The following PRKN variants were observed in gnomAD, a reference collection of about 807,000 sequenced individuals.
The protein encoded by PRKN is E3 ubiquitin-protein ligase parkin.
In PRKN, 56 loss-of-function variants were observed where a neutral mutation model predicts 59.5. The ratio of observed to expected loss-of-function variants is 0.94; its 90% confidence interval spans 0.76 to 1.18. The LOEUF (loss-of-function observed/expected upper bound fraction) is 1.18, where lower values mean the gene tolerates loss of function less well. Ranked by LOEUF, PRKN falls within the 50% of genes most tolerant of loss-of-function variation. PRKN has a pLI of 0.00. For missense variants in PRKN, 657 were observed against 596.4 expected (o/e 1.10, Z -1.06); for synonymous variants, 250 against 222.1 (o/e 1.13, Z -1.12).
At chr6:162,024,422 C>T (rs1223212267) in intron 5 of PRKN, among the ~76,000 whole-genome samples, 1 of 152,118 alleles carries the variant, frequency 6.6e-6, no homozygotes, top group African/African-American at 2.4e-5. Context: ...GTCTCAAACT[C>T]CTGACTTCAG....
intron 4 of PRKN, among the ~76,000 whole-genome samples, chr6:162,183,303 C>T (rs1261676577): frequency 6.6e-6 from 1 of 152,134 alleles, no homozygotes; most frequent in Non-Finnish European, 1.5e-5. Context: ...TGCTGCAGAA[C>T]CCAGGCTGCA....
At chr6:162,491,264 T>C (rs2186813) in intron 1 of PRKN, among the ~76,000 whole-genome samples, 44,956 of 142,458 alleles carry the variant, frequency 0.32, 7,264 homozygotes, top group East Asian at 0.48. Context: ...AATGAGACTC[T>C]GGCTCAAAAA....
chr6:161,713,329 G>T (rs1233977987), intron 7 of PRKN, among the ~76,000 whole-genome samples: 1 of 152,044 alleles, frequency 6.6e-6, no homozygotes, highest in Non-Finnish European at 1.5e-5. Context: ...AGAGTTTATA[G>T]GGAGCTTGGT....
intron 4 of PRKN, among the ~76,000 whole-genome samples, chr6:162,177,373 A>C (rs1003712440): frequency 5.9e-5 from 9 of 152,178 alleles, no homozygotes; most frequent in Non-Finnish European, 1.2e-4. Flanking sequence ...TTTTCACTAA[A>C]ATGGTTAGCA....
rs145605196 is a variant in PRKN, at chr6:161,515,669, T to C, written c.1083+33185A>G. Among the ~76,000 whole-genome samples the C allele has an allele frequency of 8.2e-3, 1,242 of 152,310 alleles. 14 individuals carry two copies. The highest frequency in any genetic ancestry group is 0.029 in the Admixed American group (448 of 15,296). On this transcript the variant is annotated intron_variant, in intron 9 of 11. Coordinates refer to ENST00000366898, the MANE Select transcript of PRKN (RefSeq NM_004562.3). ...TTGAATAAATAAAGTTAAAATTGAG[T>C]ACACTGCCATTTTCAGTGCTTCTTG...
intron 2 of PRKN, among the ~76,000 whole-genome samples, chr6:162,439,200 G>A (rs1789931255): frequency 6.6e-6 from 1 of 152,090 alleles, no homozygotes; most frequent in African/African-American, 2.4e-5. Context: ...GGAGTAGACT[G>A]GTTATTGTCT....
At chr6:162,302,097 C>G (rs1781986728) in intron 2 of PRKN, among the ~76,000 whole-genome samples, 1 of 152,104 alleles carries the variant, frequency 6.6e-6, no homozygotes, top group Non-Finnish European at 1.5e-5. Flanking sequence ...ATTTCTCCAG[C>G]CGATAAGCAA....
intron 2 of PRKN, among the ~76,000 whole-genome samples, chr6:162,378,083 C>G (rs563495424): frequency 1.1e-4 from 17 of 152,246 alleles, no homozygotes; most frequent in African/African-American, 3.9e-4. Context: ...ACTTTAACAT[C>G]ACGAAATCAA....
intron 1 of PRKN, among the ~76,000 whole-genome samples, chr6:162,703,175 G>A (rs1244481987): frequency 6.6e-6 from 1 of 152,104 alleles, no homozygotes; most frequent in Non-Finnish European, 1.5e-5. Flanking sequence ...ACATAAAAGT[G>A]AAAATTAAGC....
chr6:162,108,390 T>C (rs1780281788), intron 4 of PRKN, among the ~76,000 whole-genome samples: 1 of 152,218 alleles, frequency 6.6e-6, no homozygotes, highest in Non-Finnish European at 1.5e-5. Flanking sequence ...CTAGATCATG[T>C]GTGTATTTAC....
rs1782762603 is a variant in PRKN at position 162,316,582 on chromosome 6, A to G, written c.172-53817T>C. 2.6e-5 allele frequency among the ~76,000 whole-genome samples: 4 copies of G among 152,118 alleles called. No individual in the cohort carries two copies. The South Asian group carries it at 8.3e-4, about 32-fold the overall frequency. ...ACAAACAGCCAAAAATTTTAAATAA[A>G]CCAAAAGGATTCAATACATATTCAC... is the stretch of plus-strand genomic sequence containing the variant. On this transcript the variant is annotated intron_variant, in intron 2 of 11. Coordinates refer to ENST00000366898, the MANE Select transcript of PRKN (RefSeq NM_004562.3).
At chr6:162,505,752 G>A (rs1793581848) in intron 1 of PRKN, among the ~76,000 whole-genome samples, 1 of 151,980 alleles carries the variant, frequency 6.6e-6, no homozygotes, top group African/African-American at 2.4e-5. Flanking sequence ...CATAATATGT[G>A]ATTTACTTGA....
chr6:161,831,916 T>A (rs902096586), intron 6 of PRKN, among the ~76,000 whole-genome samples: 3 of 152,174 alleles, frequency 2.0e-5, no homozygotes, highest in Non-Finnish European at 2.9e-5. Flanking sequence ...CTTTGGGCCA[T>A]GCCAAATGAC....
chr6:162,598,150 T>A (rs1446963844), intron 1 of PRKN, among the ~76,000 whole-genome samples: 1 of 152,224 alleles, frequency 6.6e-6, no homozygotes, highest in East Asian at 1.9e-4. Context: ...ATTTTCATTT[T>A]AAATTTTAAC....
At chr6:162,234,891 C>G (rs1439928340) in intron 3 of PRKN, among the ~76,000 whole-genome samples, 1 of 152,168 alleles carries the variant, frequency 6.6e-6, no homozygotes, top group Non-Finnish European at 1.5e-5. Flanking sequence ...CCAGTTTTTT[C>G]ATCTGGAAAA....
chr6:162,192,441 G>GA (rs1211197135), intron 4 of PRKN, among the ~76,000 whole-genome samples: 3 of 106,770 alleles, frequency 2.8e-5, no homozygotes, highest in Admixed American at 1.3e-4. Context: ...AAATTATAGG[G>GA]ATTTTTTTTT....
At chr6:162,070,026 C>T (rs796569661) in intron 4 of PRKN, among the ~76,000 whole-genome samples, 10 of 152,302 alleles carry the variant, frequency 6.6e-5, no homozygotes, top group South Asian at 4.1e-4. Context: ...GTCTACAAAT[C>T]GCTTTCACAT....
rs142910784 is a variant in PRKN, at chr6:162,449,197, C to T, written c.8-5724G>A. Among the ~76,000 whole-genome samples, 5 of 152,220 alleles carry T rather than the reference C, an allele frequency of 3.3e-5. 1 individual carries two copies. In the East Asian group the frequency reaches 9.7e-4, roughly 29 times the overall value. ...CCACCACACCTGGCCCTCACTGGAA[C>T]TTCAGATAATTGCATCTACTAGCAT... On this transcript the variant is annotated intron_variant, in intron 1 of 11. Transcript: ENST00000366898.
intron 1 of PRKN, among the ~76,000 whole-genome samples, chr6:162,543,121 C>T (rs1778988635): frequency 6.6e-6 from 1 of 152,154 alleles, no homozygotes; most frequent in South Asian, 2.1e-4. Flanking sequence ...AGTCAGAAGT[C>T]CCTCTGATCA....
Sources: allele counts gnomAD v4.1 joint callset (sites outside exome capture counted in the v4.1 genomes callset), GRCh38; gene constraint gnomAD v4.1.1; transcripts MANE v1.5; gene names NCBI Gene and HGNC (gene_info 2026-07-23, HGNC 2026-07-21).